ARAP1: variants seen among roughly 807,000 people sequenced by gnomAD.
ARAP1 encodes the protein ArfGAP with RhoGAP domain, ankyrin repeat and PH domain 1.
A neutral mutation model predicts 172.2 loss-of-function variants in ARAP1; 76 were observed. That is an observed-to-expected ratio of 0.44 (90% CI 0.37 to 0.53). The LOEUF (loss-of-function observed/expected upper bound fraction) is 0.53. Among genes scored for constraint, ARAP1 ranks in the 20% least tolerant of loss-of-function variants. The pLI is 0.00. For synonymous variants in ARAP1, 804 were observed against 803.3 expected (o/e 1.00, Z -0.01); for missense variants, 1,686 against 1,977.5 (o/e 0.85, Z 2.80).
At position 72,699,308 on chromosome 11, in the gene ARAP1, TG is replaced by T. The variant is rs1485012723; in HGVS notation, c.2438+108del. ...CGGCCCTTGTGCAGCCTCCGTTTGC[TG>T]TGTGACTCTGCGGAGGTCCTCCCCT... On this transcript the variant is annotated intron_variant, in intron 17 of 34. Transcript: ENST00000393609. This position sits in a 1 kb window ranked among gnomAD's most constrained non-coding sequence, Gnocchi z 4.2. 6.5e-7 allele frequency: 1 copy of T among 1,531,266 alleles called. No individual in the cohort carries two copies. The highest frequency in any genetic ancestry group is 8.9e-7 in the Non-Finnish European group (1 of 1,129,390). The allele number at this position is 1,531,266 out of a possible 1,614,324, so 94.9% of individuals were successfully genotyped here.
rs2135496720 is a variant in ARAP1, at chr11:72,693,412, G to A, written c.3867C>T (p.Leu1289=). 6.2e-7 allele frequency: 1 copy of A among 1,613,932 alleles called. No homozygotes were observed. The highest frequency in any genetic ancestry group is 1.1e-5 in the South Asian group (1 of 91,084). The change falls in exon 29 of 35, where the codon CTC becomes CTT. Residue 1289 remains leucine, a synonymous_variant. Coordinates refer to ENST00000393609, the MANE Select transcript of ARAP1 (RefSeq NM_001040118.3). The surrounding 1 kb of genome is among the most constrained non-coding windows in gnomAD (Gnocchi z 4.6). ...CACCTGAGGGCAGGCCCAGGCCCAG[G>A]AGGCTGCGGTCCTCACGGAACTTCA... ...GMMKFREDRS[L]LGLGLPSGGF...
At chr11:72,705,940 G>A (rs1856739312) in intron 12 of ARAP1, 50 bp from the exon 13 acceptor site, 1 of 1,592,796 alleles carries the variant, frequency 6.3e-7, no homozygotes, top group Non-Finnish European at 8.6e-7. Flanking sequence ...CCCTTCACGG[G>A]AGCACTTACC....
At chr11:72,735,419 C>T (rs72964198) in intron 1 of ARAP1, among the ~76,000 whole-genome samples, 21,448 of 151,614 alleles carry the variant, frequency 0.14, 1,990 homozygotes, top group African/African-American at 0.25. Context: ...GAGACCAGCC[C>T]GACTGTCTCT....
intron 11 of ARAP1, among the ~76,000 whole-genome samples, chr11:72,709,571 C>T (rs927694831): frequency 6.6e-6 from 1 of 151,888 alleles, no homozygotes; most frequent in South Asian, 2.1e-4. Flanking sequence ...GTGGCGTAGG[C>T]GCAGGGATAG....
At chr11:72,717,508 C>T (rs1009671776) in intron 3 of ARAP1, among the ~76,000 whole-genome samples, 3 of 152,198 alleles carry the variant, frequency 2.0e-5, no homozygotes, top group African/African-American at 7.2e-5. Flanking sequence ...GCATCAGCCC[C>T]CCTCCTCTGG....
At chr11:72,711,896 C>T (rs1162524451) in intron 7 of ARAP1, among the ~76,000 whole-genome samples, 1 of 152,084 alleles carries the variant, frequency 6.6e-6, no homozygotes, top group East Asian at 1.9e-4. Flanking sequence ...GAGGTCTCGC[C>T]ATGTTGCCCA....
At chr11:72,707,497 C>T (rs923444657) in intron 11 of ARAP1, 123 bp from the exon 12 acceptor site, 1 of 830,564 alleles carries the variant, frequency 1.2e-6, no homozygotes, top group East Asian at 2.7e-5. Flanking sequence ...AAGAGTGAGG[C>T]ATCCCACTCT....
At chr11:72,685,735 C>CGCCCCGCTGAAGCTGCTGCAGCTGCT in intron 34 of ARAP1, 54 bp from the exon 35 acceptor site, 1 of 1,609,782 alleles carries the variant, frequency 6.2e-7, no homozygotes, top group Non-Finnish European at 8.5e-7. Flanking sequence ...GAGGGGCTGG[C>CGCCCCGCTGAAGCTGCTGCAGCTGCT]GCCCCGCTGA....
intron 16 of ARAP1, chr11:72,700,298 T>C (rs987859324): frequency 2.0e-5 from 3 of 152,660 alleles, no homozygotes; most frequent in Admixed American, 6.5e-5. Context: ...GGCAATGAGG[T>C]TGTGAACAGC....
At chr11:72,694,838 C>T (rs1856106128) in intron 27 of ARAP1, 142 bp downstream of exon 27, 5 of 702,166 alleles carry the variant, frequency 7.1e-6, no homozygotes, top group Non-Finnish European at 1.2e-5. Context: ...ACCACCATCA[C>T]AGAGATCAGT....
chr11:72,704,348 CAGG>C lies in ARAP1; in HGVS notation c.1810-17_1810-15del. ...CTGTAAGAAGAGCTGTGGGGGTGTG[CAGG>C]AGGTCAGACGGGCCAGCTGACAGCC... On this transcript the variant is annotated splice_polypyrimidine_tract_variant and intron_variant, in intron 13 of 34. Coordinates refer to ENST00000393609, the MANE Select transcript of ARAP1 (RefSeq NM_001040118.3). The C allele has an allele frequency of 6.5e-7, 1 of 1,545,316 alleles. No homozygotes were observed. Among genetic ancestry groups the C allele is most frequent in the Non-Finnish European group, 8.7e-7 (1 of 1,147,064 alleles).
chr11:72,686,777 C>CA (rs1855707721), intron 33 of ARAP1, among the ~76,000 whole-genome samples: 1 of 152,188 alleles, frequency 6.6e-6, no homozygotes, highest in South Asian at 2.1e-4. Context: ...CCCTCGGTCC[C>CA]ACTGCCCGAC....
chr11:72,685,346 G>A lies in ARAP1; in HGVS notation c.*318C>T. 2.3e-6 allele frequency: 1 copy of A among 430,130 alleles called. No homozygotes were observed. The highest frequency in any genetic ancestry group is 4.2e-6 in the Non-Finnish European group (1 of 236,324). 26.6% of individuals were successfully genotyped at this position (430,130 alleles called of 1,614,324 possible). The stretch of plus-strand genomic sequence containing the variant: ...CAGGGCCTCACGCCTCTGAAAGGGT[G>A]GTGGTCCTCCCAAGTTCCTGACTTA... On this transcript the variant is annotated 3_prime_UTR_variant, in exon 35 of 35. Coordinates refer to ENST00000393609, the MANE Select transcript of ARAP1 (RefSeq NM_001040118.3).
intron 1 of ARAP1, among the ~76,000 whole-genome samples, chr11:72,743,441 C>T (rs1047095514): frequency 2.0e-5 from 3 of 152,002 alleles, no homozygotes; most frequent in Non-Finnish European, 2.9e-5. Flanking sequence ...GACACACACA[C>T]GGAGGCAAGA....
In ARAP1 at chr11:72,707,183, C is replaced by T. The variant is rs373853980; in HGVS notation, c.1715G>A (p.Arg572His). Residue 572 changes from arginine to histidine, a missense_variant, in exon 12 of 35, where the codon CGC (arginine) becomes CAC (histidine). Coordinates refer to ENST00000393609, the MANE Select transcript of ARAP1 (RefSeq NM_001040118.3). The stretch of plus-strand genomic sequence containing the variant: ...GACCCCCATGCACACACCTGCACAG[C>T]GCTTGCAGATAACAACACAGAGGTT... ...SINLCVVICK[R>H]CAGEHRGLGA... The T allele has an allele frequency of 6.9e-6, 11 of 1,589,812 alleles. No homozygotes were observed. The highest frequency in any genetic ancestry group is 1.1e-5 in the South Asian group (1 of 87,270).
intron 13 of ARAP1, 163 bp from the exon 14 acceptor site, chr11:72,704,497 G>A (rs1856665429): frequency 2.7e-6 from 2 of 752,042 alleles, no homozygotes; most frequent in African/African-American, 1.8e-5. Flanking sequence ...GCTGGTGGCT[G>A]GGGATGCTCC....
Position 72,699,405 on chromosome 11 carries a change from AG to A in ARAP1, c.2438+11del. 6.2e-7 allele frequency: 1 copy of A among 1,614,044 alleles called. No homozygotes were observed. The highest frequency in any genetic ancestry group is 1.1e-5 in the South Asian group (1 of 91,080). ...ATAGCAACCACAGTCTGATTTGCCC[AG>A]GAGTACTCACCCATGGGTGTCAGGA... On this transcript the variant is annotated intron_variant, in intron 17 of 34. Transcript: ENST00000393609. This position sits in a 1 kb window ranked among gnomAD's most constrained non-coding sequence, Gnocchi z 4.2.
Position 72,697,335 on chromosome 11 carries a change from T to G in ARAP1, c.2941A>C (p.Ile981Leu), listed in dbSNP as rs1175734835. 2 of 1,592,468 alleles carry G rather than the reference T, an allele frequency of 1.3e-6. No individual in the cohort carries two copies. Among genetic ancestry groups the G allele is most frequent in the Non-Finnish European group, 1.7e-6 (2 of 1,169,806 alleles). Residue 981 changes from isoleucine to leucine, a missense_variant, in exon 21 of 35, where the codon ATC (isoleucine) becomes CTC (leucine). Physicochemically the swap from Ile to Leu is conservative, Grantham distance 5 (BLOSUM62 2). Around this residue, in one of 5 missense-constraint regions of ARAP1, gnomAD observed 274 missense variants for 262.7 expected, o/e 1.04. Transcript: ENST00000393609. The stretch of plus-strand genomic sequence containing the variant: ...GGGCAGGGCTCACCGCACTGCGTGA[T>G]GTAGTCCACACAGCGGTACACGATC... Reference protein sequence around the residue: ...PVIVYRCVDYITQCGLTSEGI... With the variant: ...PVIVYRCVDYLTQCGLTSEGI...
intron 3 of ARAP1, chr11:72,722,131 A>C: frequency 1.0e-6 from 1 of 985,148 alleles, no homozygotes; most frequent in Non-Finnish European, 1.2e-6. Flanking sequence ...ATAACTGTGG[A>C]TCTGTCCAGG....
Sources: gnomAD v4.1 joint callset for allele counts (sites outside exome capture counted in the v4.1 genomes callset) on GRCh38, gnomAD v4.1.1 for gene constraint, gnomAD v4.1.1 regional missense constraint, Gnocchi (gnomAD v3.1) non-coding constraint, MANE v1.5 for transcripts, NCBI Gene and HGNC (gene_info 2026-07-23, HGNC 2026-07-21) for gene names.